CNTNAP2: variants seen among roughly 807,000 people sequenced by gnomAD.
The protein encoded by CNTNAP2 is contactin-associated protein-like 2.
Under a neutral mutation model 155.2 loss-of-function variants are expected in CNTNAP2, and 98 were observed. The ratio of observed to expected loss-of-function variants is 0.63; its 90% CI spans 0.54 to 0.75. CNTNAP2 has a LOEUF of 0.75. Ranked by LOEUF, CNTNAP2 falls within the 30% of genes least tolerant of loss-of-function variation. CNTNAP2 has a pLI of 0.00. For synonymous variants in CNTNAP2, 651 were observed against 631.2 expected, an observed-to-expected ratio of 1.03 and a Z score of -0.47; for missense variants, 1,727 against 1,688.1, an observed-to-expected ratio of 1.02 and a Z score of -0.40.
At chr7:146,483,148 C>T (rs1584945692) in intron 1 of CNTNAP2, among the ~76,000 whole-genome samples, 1 of 149,556 alleles carries the variant, frequency 6.7e-6, no homozygotes, top group South Asian at 2.1e-4. Context: ...TGGTGGCGGG[C>T]GCCTGTAGTC....
At chr7:147,245,180 G>A (rs1496545) in intron 8 of CNTNAP2, among the ~76,000 whole-genome samples, 39,118 of 152,088 alleles carry the variant, frequency 0.26, 6,899 homozygotes, top group East Asian at 0.71. Flanking sequence ...CTGGCCCTCA[G>A]AAGAGTATTA....
rs1174160455 is a variant in CNTNAP2, at chr7:147,775,343, ATATATT to A, written c.2099-128216_2099-128211del. Among the ~76,000 whole-genome samples the A allele has an allele frequency of 1.1e-3, 49 of 45,728 alleles. 1 individual carries two copies. The highest frequency in any genetic ancestry group is 5.6e-3 in the African/African-American group (31 of 5,570). The allele number at this position is 45,728 out of a possible 152,430, so 30.0% of individuals were successfully genotyped here. ...TATATTTATATATATTTATAAATAT[ATATATT>A]TATATATATTTATAAATATATATAT... is the stretch of plus-strand genomic sequence containing the variant. On this transcript the variant is annotated intron_variant, in intron 13 of 23. Coordinates refer to ENST00000361727, the MANE Select transcript of CNTNAP2 (RefSeq NM_014141.6).
chr7:147,033,176 A>ATATATATATG (rs1799073718), intron 3 of CNTNAP2, among the ~76,000 whole-genome samples: 4 of 49,530 alleles, frequency 8.1e-5, no homozygotes, highest in Admixed American at 1.5e-4. Flanking sequence ...ATATATATAT[A>ATATATATATG]TATATATATA....
chr7:147,236,587 T>C lies in CNTNAP2; in HGVS notation c.1349-63554T>C, dbSNP rs141318647. On this transcript the variant is annotated intron_variant, in intron 8 of 23. Transcript: ENST00000361727. ...TTTTTTTCTTTTTGGTTGGTTTTTT[T>C]TTTCTTTTTTAAATCTTAACCTGTA... Among the ~76,000 whole-genome samples, 349 of 152,130 alleles carry C rather than the reference T, an allele frequency of 2.3e-3. 2 individuals are homozygous for C. The highest frequency in any genetic ancestry group is 7.9e-3 in the African/African-American group (329 of 41,548).
chr7:147,848,912 T>C (rs1474674673), intron 13 of CNTNAP2, among the ~76,000 whole-genome samples: 4 of 152,114 alleles, frequency 2.6e-5, no homozygotes, highest in East Asian at 1.9e-4. Flanking sequence ...TGTTTTTTTT[T>C]CTCAAATAGT....
intron 1 of CNTNAP2, among the ~76,000 whole-genome samples, chr7:146,523,266 G>A (rs1295164317): frequency 6.6e-6 from 1 of 151,994 alleles, no homozygotes; most frequent in Admixed American, 6.6e-5. Context: ...TATATCATCA[G>A]TAAAATTTCG....
chr7:147,166,671 A>T (rs1341777656), intron 8 of CNTNAP2, among the ~76,000 whole-genome samples: 1 of 151,838 alleles, frequency 6.6e-6, no homozygotes, highest in Non-Finnish European at 1.5e-5. Context: ...GTGAAGGGAG[A>T]TAGGGGTGGG....
chr7:148,344,636 T>G (rs1798290917), intron 21 of CNTNAP2, among the ~76,000 whole-genome samples: 1 of 152,198 alleles, frequency 6.6e-6, no homozygotes, highest in African/African-American at 2.4e-5. Context: ...ATTCAATATG[T>G]CTATCAGTGA....
intron 13 of CNTNAP2, among the ~76,000 whole-genome samples, chr7:147,688,564 T>C (rs181763287): frequency 1.3e-5 from 2 of 152,268 alleles, no homozygotes; most frequent in Admixed American, 6.5e-5. Flanking sequence ...TCTGTTTGCC[T>C]GGAAGCAGCT....
intron 1 of CNTNAP2, among the ~76,000 whole-genome samples, chr7:146,151,396 G>T (rs1269006311): frequency 6.6e-6 from 1 of 151,084 alleles, no homozygotes; most frequent in Non-Finnish European, 1.5e-5. Flanking sequence ...TCCATTTGGT[G>T]CCACCCACCC....
chr7:146,522,772 TTA>T (rs1324787660), intron 1 of CNTNAP2, among the ~76,000 whole-genome samples: 1 of 149,624 alleles, frequency 6.7e-6, no homozygotes, highest in African/African-American at 2.4e-5. Context: ...ATAATATCTA[TTA>T]TGTTTTAAAA....
intron 14 of CNTNAP2, among the ~76,000 whole-genome samples, chr7:147,944,768 A>G (rs1377114251): frequency 3.3e-5 from 5 of 152,232 alleles, no homozygotes; most frequent in African/African-American, 9.6e-5. Context: ...GCTATTTTAC[A>G]AAGTGAAATA....
intron 10 of CNTNAP2, among the ~76,000 whole-genome samples, chr7:147,413,412 C>T (rs1419610617): frequency 6.6e-6 from 1 of 152,012 alleles, no homozygotes; most frequent in Non-Finnish European, 1.5e-5. Flanking sequence ...TGTGGTAGGG[C>T]GGTTGATACA....
chr7:146,613,289 T>A (rs1799170040), intron 1 of CNTNAP2, among the ~76,000 whole-genome samples: 1 of 152,182 alleles, frequency 6.6e-6, no homozygotes. Context: ...AGAACTCTGA[T>A]AGACAATCTA....
chr7:148,052,746 C>A (rs1434853992), intron 15 of CNTNAP2, among the ~76,000 whole-genome samples: 2 of 152,086 alleles, frequency 1.3e-5, no homozygotes, highest in South Asian at 4.1e-4. Context: ...TAACAGTATT[C>A]CTTAAAAATA....
At chr7:147,012,425 T>C (rs1476456775) in intron 3 of CNTNAP2, among the ~76,000 whole-genome samples, 4 of 152,156 alleles carry the variant, frequency 2.6e-5, no homozygotes, top group African/African-American at 9.7e-5. Flanking sequence ...ATTTTTGCTG[T>C]AAGTTTAAAA....
intron 13 of CNTNAP2, among the ~76,000 whole-genome samples, chr7:147,794,496 A>G (rs1797862213): frequency 6.6e-6 from 1 of 151,978 alleles, no homozygotes; most frequent in African/African-American, 2.4e-5. Context: ...CATTCATTTT[A>G]TTCATGAGAT....
intron 13 of CNTNAP2, among the ~76,000 whole-genome samples, chr7:147,696,201 A>G (rs1183095055): frequency 6.6e-6 from 1 of 152,132 alleles, no homozygotes; most frequent in Admixed American, 6.6e-5. Flanking sequence ...TAGTTCAATT[A>G]ATATCTATAA....
intron 1 of CNTNAP2, among the ~76,000 whole-genome samples, chr7:146,417,904 G>A (rs1357681353): frequency 6.6e-6 from 1 of 150,626 alleles, no homozygotes; most frequent in Non-Finnish European, 1.5e-5. Context: ...TGTGTATGAG[G>A]CACCAAATGC....
Sources: allele counts gnomAD v4.1 joint callset (sites outside exome capture counted in the v4.1 genomes callset), GRCh38; gene constraint gnomAD v4.1.1; transcripts MANE v1.5; gene names NCBI Gene and HGNC (gene_info 2026-07-23, HGNC 2026-07-21).